Variants in PAPPA observed in about 807,000 individuals in gnomAD.
The protein encoded by PAPPA is pappalysin 1, also known as pappalysin-1.
PAPPA carries 60 observed loss-of-function variants against 164.0 expected under a neutral mutation model. The observed-to-expected ratio is 0.37, with a 90% CI of 0.30 to 0.45. The LOEUF (loss-of-function observed/expected upper bound fraction) is 0.45. Among genes scored for constraint, PAPPA ranks in the 20% least tolerant of loss-of-function variants. The pLI is 1.00. For missense variants in PAPPA, 1,782 were observed against 2,087.3 expected (o/e 0.85, Z 2.85); for synonymous variants, 875 against 814.1 (o/e 1.07, Z -1.27).
chr9:116,178,175 C>T (rs1335046434), intron 1 of PAPPA, among the ~76,000 whole-genome samples: 4 of 152,210 alleles, frequency 2.6e-5, no homozygotes, highest in Non-Finnish European at 4.4e-5. Context: ...GGCGCGATCT[C>T]GGCTTACTGC....
At chr9:116,356,155 T>C (rs1447898878) in intron 17 of PAPPA, among the ~76,000 whole-genome samples, 2 of 152,258 alleles carry the variant, frequency 1.3e-5, no homozygotes, top group African/African-American at 4.8e-5. Context: ...CCTGACTTTA[T>C]TCATTCCTTG....
At position 116,271,935 on chromosome 9, in the gene PAPPA, C is replaced by A. The variant is rs1845142243; in HGVS notation, c.2953+519C>A. On this transcript the variant is annotated intron_variant, in intron 9 of 21. Coordinates refer to ENST00000328252, the MANE Select transcript of PAPPA (RefSeq NM_002581.5). The surrounding 1 kb of genome is among the most constrained non-coding windows in gnomAD (Gnocchi z 4.2). ...GCAACCTCCAGCCGTGATGCAGGAA[C>A]CACCAAGGTCCCCTCTGCAGACTCA... is the stretch of plus-strand genomic sequence containing the variant. Among the ~76,000 whole-genome samples, 1 of 152,236 alleles carries A rather than the reference C, an allele frequency of 6.6e-6. No individual in the cohort carries two copies. The highest frequency in any genetic ancestry group is 2.4e-5 in the African/African-American group (1 of 41,458).
intron 5 of PAPPA, among the ~76,000 whole-genome samples, chr9:116,222,297 C>CT (rs375911144): frequency 5.8e-4 from 88 of 152,308 alleles, no homozygotes; most frequent in African/African-American, 2.0e-3. Flanking sequence ...TTGACTTCCA[C>CT]TTTTTTGTCT....
intron 18 of PAPPA, among the ~76,000 whole-genome samples, chr9:116,366,697 G>A (rs1846504442): frequency 6.6e-6 from 1 of 152,116 alleles, no homozygotes; most frequent in Admixed American, 6.5e-5. Context: ...GGTAGTGCTG[G>A]CCCTATAGAG....
chr9:116,326,757 T>G (rs1306231369), intron 10 of PAPPA, among the ~76,000 whole-genome samples: 1 of 152,196 alleles, frequency 6.6e-6, no homozygotes, highest in Non-Finnish European at 1.5e-5. Context: ...CCCCATCCCC[T>G]AGCAACCACC....
At chr9:116,291,585 T>C (rs1381219904) in intron 9 of PAPPA, among the ~76,000 whole-genome samples, 2 of 152,172 alleles carry the variant, frequency 1.3e-5, no homozygotes, top group African/African-American at 4.8e-5. Flanking sequence ...AGATTGACAC[T>C]ATCCTAAGTA....
In PAPPA at chr9:116,271,964, C is replaced by T. The variant is rs1432419470; in HGVS notation, c.2953+548C>T. On this transcript the variant is annotated intron_variant, in intron 9 of 21. Transcript: ENST00000328252. This position sits in a 1 kb window ranked among gnomAD's most constrained non-coding sequence, Gnocchi z 4.2. ...CAAGGTCCCCTCTGCAGACTCAGAACCTTGGGCAGTCTCTCTGATCTGAGG... is the reference window on the plus strand; with the variant it reads ...CAAGGTCCCCTCTGCAGACTCAGAATCTTGGGCAGTCTCTCTGATCTGAGG... Among the ~76,000 whole-genome samples the T allele has an allele frequency of 2.0e-5, 3 of 152,346 alleles. No homozygotes were observed. Among genetic ancestry groups the T allele is most frequent in the South Asian group, 2.1e-4 (1 of 4,832 alleles).
intron 6 of PAPPA, among the ~76,000 whole-genome samples, chr9:116,228,105 T>TATCA (rs1424924053): frequency 1.3e-5 from 2 of 152,350 alleles, no homozygotes; most frequent in African/African-American, 4.8e-5. Context: ...TTCCACCCAC[T>TATCA]ATCAGACTCT....
chr9:116,346,944 C>A, intron 14 of PAPPA, 82 bp from the exon 15 acceptor site: 1 of 1,197,750 alleles, frequency 8.3e-7, no homozygotes, highest in Non-Finnish European at 1.2e-6. Flanking sequence ...AGACTCTGAG[C>A]CGTCACCTTG....
rs186201407 is a variant in PAPPA at position 116,248,972 on chromosome 9, T to C, written c.2732+13335T>C. On this transcript the variant is annotated intron_variant, in intron 7 of 21. Coordinates refer to ENST00000328252, the MANE Select transcript of PAPPA (RefSeq NM_002581.5). ...CTTACAGCATGGTCACTGCTCCTCTTGGGGCCTCAGCTCTCTTATCCTTAA... is the reference window on the plus strand; with the variant it reads ...CTTACAGCATGGTCACTGCTCCTCTCGGGGCCTCAGCTCTCTTATCCTTAA... 4.6e-3 allele frequency among the ~76,000 whole-genome samples: 703 copies of C among 152,268 alleles called. 3 individuals are homozygous for C. The highest frequency in any genetic ancestry group is 6.2e-3 in the Non-Finnish European group (419 of 67,996).
At chr9:116,338,358 TG>T (rs1328012829) in intron 13 of PAPPA, among the ~76,000 whole-genome samples, 4 of 152,030 alleles carry the variant, frequency 2.6e-5, no homozygotes, top group African/African-American at 9.7e-5. Flanking sequence ...AGGCCAACTT[TG>T]GGGGGCAACA....
chr9:116,170,034 G>A (rs1843758572), intron 1 of PAPPA, among the ~76,000 whole-genome samples: 1 of 152,088 alleles, frequency 6.6e-6, no homozygotes, highest in Non-Finnish European at 1.5e-5. Flanking sequence ...TTGCACTTGG[G>A]TTCAGAAGTA....
intron 13 of PAPPA, among the ~76,000 whole-genome samples, chr9:116,340,562 CA>C (rs1404261470): frequency 6.6e-6 from 1 of 152,174 alleles, no homozygotes; most frequent in Non-Finnish European, 1.5e-5. Flanking sequence ...ACAGAGTGGC[CA>C]ATGCCTGACA....
intron 10 of PAPPA, among the ~76,000 whole-genome samples, chr9:116,328,696 T>C (rs575300200): frequency 1.2e-4 from 18 of 152,216 alleles, no homozygotes; most frequent in Non-Finnish European, 2.1e-4. Flanking sequence ...TGAGTGCAGA[T>C]GCTCTGTTTG....
intron 7 of PAPPA, among the ~76,000 whole-genome samples, chr9:116,264,655 AT>A (rs1845045232): frequency 6.6e-6 from 1 of 152,148 alleles, no homozygotes; most frequent in African/African-American, 2.4e-5. Flanking sequence ...TTTTGACATC[AT>A]CCTTTTGTTT....
chr9:116,222,035 T>C (rs557802377), intron 5 of PAPPA, among the ~76,000 whole-genome samples: 1 of 152,340 alleles, frequency 6.6e-6, no homozygotes, highest in South Asian at 2.1e-4. Context: ...TGTAGGTTAA[T>C]ATAGCCATCA....
intron 13 of PAPPA, among the ~76,000 whole-genome samples, chr9:116,338,366 A>G (rs1400330228): frequency 6.6e-6 from 1 of 152,180 alleles, no homozygotes; most frequent in South Asian, 2.1e-4. Flanking sequence ...TTTGGGGGGC[A>G]ACAAGTTCTT....
intron 1 of PAPPA, among the ~76,000 whole-genome samples, chr9:116,167,546 A>G (rs1039411215): frequency 6.6e-6 from 1 of 152,206 alleles, no homozygotes; most frequent in East Asian, 1.9e-4. Context: ...TGCCTGGGAC[A>G]TGTTTCCCCA....
intron 5 of PAPPA, among the ~76,000 whole-genome samples, chr9:116,222,495 A>G (rs566385557): frequency 1.3e-5 from 2 of 152,328 alleles, no homozygotes; most frequent in African/African-American, 2.4e-5. Flanking sequence ...TATAGACACA[A>G]TGGAATACTA....
Sources: gnomAD v4.1 joint callset for allele counts (sites outside exome capture counted in the v4.1 genomes callset) on GRCh38, gnomAD v4.1.1 for gene constraint, Gnocchi (gnomAD v3.1) non-coding constraint, MANE v1.5 for transcripts, NCBI Gene and HGNC (gene_info 2026-07-23, HGNC 2026-07-21) for gene names.